EOGT: variants seen among roughly 807,000 people sequenced by gnomAD.
EOGT encodes EGF domain specific O-linked N-acetylglucosamine transferase, also known as EGF domain-specific O-linked N-acetylglucosamine transferase.
Under a neutral mutation model 70.5 loss-of-function variants are expected in EOGT, and 55 were observed. The observed-to-expected ratio is 0.78, with a 90% CI of 0.63 to 0.98. The LOEUF (loss-of-function observed/expected upper bound fraction) is 0.98, where lower values mean the gene tolerates loss of function less well. Ranked by LOEUF, EOGT falls within the 50% of genes least tolerant of loss-of-function variation. EOGT has a pLI of 0.00. For synonymous variants in EOGT, 246 were observed against 217.1 expected (o/e 1.13, Z -1.17); for missense variants, 703 against 641.9 (o/e 1.10, Z -1.03).
intron 14 of EOGT, among the ~76,000 whole-genome samples, chr3:68,983,645 G>C (rs921436996): frequency 2.0e-5 from 3 of 152,202 alleles, no homozygotes; most frequent in Admixed American, 6.5e-5. Context: ...GTGTCGTTAG[G>C]TTTACTTCAC....
At position 68,979,792 on chromosome 3, in the gene EOGT, G is replaced by A. The variant is rs750189143; in HGVS notation, c.1215-5C>T. 1.9e-6 allele frequency: 3 copies of A among 1,612,262 alleles called. No individual in the cohort carries two copies. In the South Asian group the frequency reaches 3.3e-5, roughly 18 times the overall value. On this transcript the variant is annotated splice_region_variant and splice_polypyrimidine_tract_variant and intron_variant, in intron 15 of 17. Transcript: ENST00000383701. ...TGATCTAAAAACCCAAGTTCTCTGT[G>A]AACATACAGAATAACATGAGAGAGA...
At chr3:68,996,574 T>C (rs2091154061) in intron 10 of EOGT, among the ~76,000 whole-genome samples, 1 of 152,222 alleles carries the variant, frequency 6.6e-6, no homozygotes, top group Non-Finnish European at 1.5e-5. Context: ...CCAACACAGC[T>C]GTGTCAGGAG....
chr3:68,977,397 G>T lies in EOGT; in HGVS notation c.*221C>A. 2.2e-6 allele frequency: 1 copy of T among 456,594 alleles called. No homozygotes were observed. The highest frequency in any genetic ancestry group is 3.8e-6 in the Non-Finnish European group (1 of 263,220). 28.3% of individuals were successfully genotyped at this position (456,594 alleles called of 1,614,324 possible). On this transcript the variant is annotated 3_prime_UTR_variant, in exon 18 of 18. Coordinates refer to ENST00000383701, the MANE Select transcript of EOGT (RefSeq NM_001278689.2). ...ATGCTTAATTTTTGAACTATAAAAA[G>T]TTTTCAGTGCAAAATTATTGCTATT...
rs142898048 is a variant in EOGT, at chr3:68,980,266, A to G, written c.1215-479T>C. On this transcript the variant is annotated intron_variant, in intron 15 of 17. Transcript: ENST00000383701. ...AAAAACTATTTCCTTAGGACAATAG[A>G]AGCACTTTTTAAAAAGAAACATTTC... Among the ~76,000 whole-genome samples the G allele has an allele frequency of 5.9e-5, 9 of 152,354 alleles. No individual in the cohort carries two copies. The East Asian group carries it at 1.7e-3, about 29-fold the overall frequency.
At chr3:68,987,421 T>A in intron 14 of EOGT, 24 bp downstream of exon 14, 3 of 1,566,112 alleles carry the variant, frequency 1.9e-6, no homozygotes, top group Non-Finnish European at 2.6e-6. Flanking sequence ...ATGAAGGCAT[T>A]AAAAATGCAT....
At chr3:68,990,827 C>A (rs976228257) in intron 10 of EOGT, among the ~76,000 whole-genome samples, 1 of 149,314 alleles carries the variant, frequency 6.7e-6, no homozygotes, top group Admixed American at 6.7e-5. Flanking sequence ...TTATAGCATT[C>A]TTTTCTCAGA....
chr3:68,986,194 C>A (rs534647749), intron 14 of EOGT, among the ~76,000 whole-genome samples: 1 of 152,160 alleles, frequency 6.6e-6, no homozygotes, highest in Non-Finnish European at 1.5e-5. Flanking sequence ...TTATACTGGG[C>A]TCACGTGGAT....
intron 10 of EOGT, among the ~76,000 whole-genome samples, chr3:68,990,007 A>C (rs1377492043): frequency 6.6e-6 from 1 of 152,070 alleles, no homozygotes; most frequent in Non-Finnish European, 1.5e-5. Flanking sequence ...CCACCCATTG[A>C]CTAGTGAATA....
At chr3:69,008,841 C>T (rs1313079698) in intron 4 of EOGT, among the ~76,000 whole-genome samples, 2 of 152,194 alleles carry the variant, frequency 1.3e-5, no homozygotes, top group Non-Finnish European at 2.9e-5. Flanking sequence ...TCTCAGTGAG[C>T]AAGCGGATTC....
intron 10 of EOGT, among the ~76,000 whole-genome samples, chr3:68,993,803 C>G (rs2091065599): frequency 6.6e-6 from 1 of 152,096 alleles, no homozygotes; most frequent in African/African-American, 2.4e-5. Context: ...GGTAAAGGCA[C>G]TTCTTACATG....
At chr3:69,002,590 G>A (rs2091325121) in intron 8 of EOGT, among the ~76,000 whole-genome samples, 1 of 150,682 alleles carries the variant, frequency 6.6e-6, no homozygotes, top group Admixed American at 6.6e-5. Flanking sequence ...TCATTATTCT[G>A]AATGATCTGC....
At chr3:68,981,368 C>A (rs1559586652) in intron 15 of EOGT, among the ~76,000 whole-genome samples, 1 of 152,034 alleles carries the variant, frequency 6.6e-6, no homozygotes, top group African/African-American at 2.4e-5. Flanking sequence ...GAATGAAGTG[C>A]AAAGCTCCCA....
intron 14 of EOGT, 40 bp downstream of exon 14, chr3:68,987,405 T>C (rs2090843974): frequency 1.5e-6 from 2 of 1,312,508 alleles, no homozygotes; most frequent in Admixed American, 1.9e-5. Flanking sequence ...GCTCTATGAA[T>C]TGAATATGAA....
chr3:68,987,580 C>T, intron 13 of EOGT, 67 bp from the exon 14 acceptor site: 1 of 1,179,094 alleles, frequency 8.5e-7, no homozygotes, highest in South Asian at 1.3e-5. Flanking sequence ...ACATCTGAAC[C>T]CAAAATGTGA....
intron 10 of EOGT, among the ~76,000 whole-genome samples, chr3:68,993,133 C>T (rs1011468823): frequency 2.0e-5 from 3 of 152,188 alleles, no homozygotes; most frequent in African/African-American, 7.2e-5. Flanking sequence ...AGGCTCCTTG[C>T]TATTTATGCA....
chr3:69,009,916 AACAAC>A, intron 3 of EOGT, 56 bp from the exon 4 acceptor site: 6 of 597,592 alleles, frequency 1.0e-5, no homozygotes, highest in Non-Finnish European at 1.3e-5. Context: ...AAGCCAAAAC[AACAAC>A]AACAACAACA....
intron 14 of EOGT, among the ~76,000 whole-genome samples, chr3:68,986,957 T>G (rs6804484): frequency 0.46 from 69,715 of 151,990 alleles, 16,586 homozygotes; most frequent in African/African-American, 0.5. Context: ...TGCATGGTGA[T>G]CTCATTGAGG....
At chr3:69,003,488 T>C (rs557586033) in intron 8 of EOGT, among the ~76,000 whole-genome samples, 6 of 152,206 alleles carry the variant, frequency 3.9e-5, no homozygotes, top group Non-Finnish European at 7.3e-5. Flanking sequence ...TCTTGTCTGC[T>C]GTCATGTAAG....
In EOGT at chr3:69,009,098, G is replaced by T. The variant is rs559575485; in HGVS notation, c.210+539C>A. 5.3e-5 allele frequency among the ~76,000 whole-genome samples: 8 copies of T among 152,316 alleles called. No individual in the cohort carries two copies. The East Asian group carries it at 1.5e-3, about 29-fold the overall frequency. On this transcript the variant is annotated intron_variant, in intron 4 of 17. Transcript: ENST00000383701. ...AAGTCTGCTTTTCCATATGCTTCCT[G>T]TGCCAGCACCATGGGAAAGGAAGTG...
Sources: gnomAD v4.1 joint callset for allele counts (sites outside exome capture counted in the v4.1 genomes callset) on GRCh38, gnomAD v4.1.1 for gene constraint, MANE v1.5 for transcripts, NCBI Gene and HGNC (gene_info 2026-07-23, HGNC 2026-07-21) for gene names.